Variants in WAC observed in about 807,000 individuals in gnomAD.
WAC encodes WW domain-containing adapter protein with coiled-coil.
Under a neutral mutation model 79.6 loss-of-function variants are expected in WAC, and 11 were observed. The ratio of observed to expected loss-of-function variants is 0.14; its 90% CI spans 0.09 to 0.23. The LOEUF (loss-of-function observed/expected upper bound fraction) is 0.23, where lower values mean the gene tolerates loss of function less well. WAC is among the 10% of genes least tolerant of loss of function. WAC has a pLI of 1.00. For missense variants in WAC, 728 were observed against 773.5 expected, an observed-to-expected ratio of 0.94 and a Z score of 0.70; for synonymous variants, 304 against 276.9, an observed-to-expected ratio of 1.10 and a Z score of -0.97.
At chr10:28,560,649 C>T (rs985519757) in intron 3 of WAC, among the ~76,000 whole-genome samples, 4 of 152,102 alleles carry the variant, frequency 2.6e-5, no homozygotes, top group African/African-American at 9.7e-5. Flanking sequence ...TCCACCCAGA[C>T]TCTTAAAGAA....
chr10:28,574,546 G>A (rs925200582), intron 3 of WAC, among the ~76,000 whole-genome samples: 4 of 151,768 alleles, frequency 2.6e-5, no homozygotes, highest in African/African-American at 9.7e-5. Context: ...GGGTTCTGGC[G>A]ATTCTCCTGT....
chr10:28,538,819 G>A (rs2132329379), intron 3 of WAC, among the ~76,000 whole-genome samples: 1 of 144,728 alleles, frequency 6.9e-6, no homozygotes, highest in Admixed American at 7.1e-5. Flanking sequence ...AGCTGTGGTT[G>A]TGCCACCACA....
chr10:28,535,887 A>T (rs886650633), intron 3 of WAC, 130 bp downstream of exon 3: 18 of 714,060 alleles, frequency 2.5e-5, no homozygotes, highest in Non-Finnish European at 3.3e-5. Flanking sequence ...TAATCCTATC[A>T]TTTTTTTTTT....
intron 3 of WAC, among the ~76,000 whole-genome samples, chr10:28,540,815 T>C (rs1302269642): frequency 4.6e-5 from 7 of 152,208 alleles, no homozygotes; most frequent in Admixed American, 4.6e-4. Flanking sequence ...AAACATACTC[T>C]GTTTCAAGAG....
At chr10:28,538,985 A>G (rs1007607524) in intron 3 of WAC, among the ~76,000 whole-genome samples, 21 of 152,170 alleles carry the variant, frequency 1.4e-4, no homozygotes, top group African/African-American at 4.8e-4. Flanking sequence ...TTAAGATTAC[A>G]GCAGGTTACT....
chr10:28,585,990 A>C (rs1260124698), intron 4 of WAC, among the ~76,000 whole-genome samples: 1 of 152,184 alleles, frequency 6.6e-6, no homozygotes, highest in African/African-American at 2.4e-5. Flanking sequence ...CATTACTAGA[A>C]TAGATAAAAT....
chr10:28,610,677 G>A, intron 8 of WAC, 22 bp from the exon 9 acceptor site: 10 of 1,594,032 alleles, frequency 6.3e-6, no homozygotes, highest in East Asian at 2.3e-5. Flanking sequence ...TTATATGAAT[G>A]TATGAAATAA....
At chr10:28,565,758 C>T (rs1838566990) in intron 3 of WAC, among the ~76,000 whole-genome samples, 1 of 152,104 alleles carries the variant, frequency 6.6e-6, no homozygotes, top group East Asian at 1.9e-4. Flanking sequence ...CATAAAATAA[C>T]ACAAGCAGCT....
At chr10:28,577,385 T>G (rs1433896830) in intron 3 of WAC, among the ~76,000 whole-genome samples, 1 of 152,176 alleles carries the variant, frequency 6.6e-6, no homozygotes, top group Non-Finnish European at 1.5e-5. Context: ...TGCTTGTCTG[T>G]GCTATTCAAG....
chr10:28,533,685 C>A, intron 1 of WAC, 65 bp downstream of exon 1: 1 of 1,488,792 alleles, frequency 6.7e-7, no homozygotes, highest in South Asian at 1.2e-5. Context: ...GCTGTTCCTC[C>A]TTATCTGGAG....
intron 4 of WAC, among the ~76,000 whole-genome samples, chr10:28,587,274 G>C (rs1052233151): frequency 6.6e-6 from 1 of 152,170 alleles, no homozygotes; most frequent in African/African-American, 2.4e-5. Flanking sequence ...GAACATCTTA[G>C]TAATGTTTGA....
chr10:28,571,840 T>C (rs2132553144), intron 3 of WAC, among the ~76,000 whole-genome samples: 1 of 152,320 alleles, frequency 6.6e-6, no homozygotes, highest in East Asian at 1.9e-4. Flanking sequence ...ATCAGTCAGC[T>C]TGGAAAAGGG....
intron 3 of WAC, among the ~76,000 whole-genome samples, chr10:28,554,725 C>T (rs1589146920): frequency 6.6e-6 from 1 of 152,210 alleles, no homozygotes; most frequent in East Asian, 1.9e-4. Context: ...AAATGAAGCA[C>T]AGACATTACA....
chr10:28,545,841 C>G (rs1837322129), intron 3 of WAC, among the ~76,000 whole-genome samples: 1 of 152,318 alleles, frequency 6.6e-6, no homozygotes, highest in Middle Eastern at 3.4e-3. Flanking sequence ...ACTGGTGTTA[C>G]TTTAGATAAT....
chr10:28,550,891 A>C (rs921297664), intron 3 of WAC, among the ~76,000 whole-genome samples: 3 of 152,210 alleles, frequency 2.0e-5, no homozygotes, highest in African/African-American at 7.2e-5. Flanking sequence ...GGCTGGTTAG[A>C]CTAGTGTCCG....
At chr10:28,537,087 A>G (rs1200872022) in intron 3 of WAC, among the ~76,000 whole-genome samples, 1 of 152,254 alleles carries the variant, frequency 6.6e-6, no homozygotes. Context: ...GAGAAAATAC[A>G]GTCAGAAGAT....
At chr10:28,591,506 A>T (rs1840081085) in intron 6 of WAC, 1 of 152,194 alleles carries the variant, frequency 6.6e-6, no homozygotes, top group Non-Finnish European at 1.5e-5. Flanking sequence ...TTTGTAATTC[A>T]TTCTCCAAAT....
At chr10:28,590,578 C>A in intron 5 of WAC, 142 bp from the exon 6 acceptor site, 1 of 665,202 alleles carries the variant, frequency 1.5e-6, no homozygotes, top group African/African-American at 1.8e-5. Flanking sequence ...CGTTCCATCT[C>A]ACACACCAGT....
intron 11 of WAC, chr10:28,615,175 G>GTTAT (rs893102421): frequency 6.6e-6 from 1 of 152,230 alleles, no homozygotes; most frequent in Non-Finnish European, 1.5e-5. Flanking sequence ...GCTGTATTGT[G>GTTAT]TTAGCACTTT....
Sources: gnomAD v4.1 joint callset for allele counts (sites outside exome capture counted in the v4.1 genomes callset) on GRCh38, gnomAD v4.1.1 for gene constraint, MANE v1.5 for transcripts, NCBI Gene and HGNC (gene_info 2026-07-23, HGNC 2026-07-21) for gene names.